PDE4D: variants seen among roughly 807,000 people sequenced by gnomAD.
PDE4D encodes phosphodiesterase 4D, also known as 3',5'-cyclic-AMP phosphodiesterase 4D.
PDE4D carries 24 observed loss-of-function variants against 87.4 expected under a neutral mutation model. The observed-to-expected ratio is 0.27, with a 90% CI of 0.20 to 0.39. The LOEUF (loss-of-function observed/expected upper bound fraction) is 0.39, where lower values mean the gene tolerates loss of function less well. Among genes scored for constraint, PDE4D ranks in the 10% least tolerant of loss-of-function variants. The pLI, the probability that PDE4D is intolerant of heterozygous loss-of-function variation, is 1.00. For synonymous variants in PDE4D, 384 were observed against 383.2 expected, an observed-to-expected ratio of 1.00 and a Z score of -0.02; for missense variants, 714 against 1,041.0, an observed-to-expected ratio of 0.69 and a Z score of 4.32.
intron 1 of PDE4D, among the ~76,000 whole-genome samples, chr5:59,742,308 C>A (rs1167266152): frequency 2.6e-5 from 4 of 152,176 alleles, no homozygotes; most frequent in African/African-American, 9.6e-5. Flanking sequence ...AGGTGATCCA[C>A]CTGCCTTGGC....
chr5:60,409,776 T>G (rs979250455), intron 1 of PDE4D, among the ~76,000 whole-genome samples: 2 of 152,322 alleles, frequency 1.3e-5, no homozygotes, highest in Admixed American at 6.5e-5. Context: ...TTTTCACATA[T>G]CCAAATGATT....
At chr5:60,334,648 A>T (rs2149877988) in intron 1 of PDE4D, among the ~76,000 whole-genome samples, 1 of 152,118 alleles carries the variant, frequency 6.6e-6, no homozygotes, top group Non-Finnish European at 1.5e-5. Flanking sequence ...AGGAGACACA[A>T]GCCCAGCACA....
At chr5:59,163,176 C>T (rs902280777) in intron 5 of PDE4D, among the ~76,000 whole-genome samples, 3 of 151,032 alleles carry the variant, frequency 2.0e-5, no homozygotes, top group South Asian at 2.1e-4. Context: ...GAACTCCTGG[C>T]CTCAATCGAT....
intron 1 of PDE4D, among the ~76,000 whole-genome samples, chr5:59,865,838 G>C (rs1360209191): frequency 6.6e-6 from 1 of 152,198 alleles, no homozygotes; most frequent in Non-Finnish European, 1.5e-5. Context: ...TGAGGAAACT[G>C]AGTCAGAGAT....
intron 5 of PDE4D, among the ~76,000 whole-genome samples, chr5:59,112,584 T>G (rs755820110): frequency 1.3e-5 from 2 of 152,102 alleles, no homozygotes; most frequent in Admixed American, 6.5e-5. Flanking sequence ...GAGCAGAGGC[T>G]TCAGGAGTTC....
intron 1 of PDE4D, among the ~76,000 whole-genome samples, chr5:60,352,623 G>C (rs1759299103): frequency 6.6e-6 from 1 of 152,152 alleles, no homozygotes; most frequent in Non-Finnish European, 1.5e-5. Flanking sequence ...TGAATGACAG[G>C]ACCCTGAAGG....
intron 1 of PDE4D, among the ~76,000 whole-genome samples, chr5:59,490,951 T>C (rs1039762727): frequency 1.3e-5 from 2 of 152,136 alleles, no homozygotes; most frequent in Non-Finnish European, 2.9e-5. Context: ...GATCCACGTA[T>C]AGACGATCAA....
intron 3 of PDE4D, among the ~76,000 whole-genome samples, chr5:59,899,339 T>C (rs1412146460): frequency 6.6e-6 from 1 of 152,090 alleles, no homozygotes. Flanking sequence ...GAGCACTTAA[T>C]ATGTGCCAAC....
chr5:59,484,852 G>T (rs1210193686), intron 1 of PDE4D, among the ~76,000 whole-genome samples: 7 of 151,964 alleles, frequency 4.6e-5, no homozygotes, highest in African/African-American at 1.7e-4. Context: ...TGTAATGTGG[G>T]TCAACTCTGA....
intron 1 of PDE4D, among the ~76,000 whole-genome samples, chr5:60,385,992 G>A (rs1762164997): frequency 6.6e-6 from 1 of 151,956 alleles, no homozygotes; most frequent in African/African-American, 2.4e-5. Flanking sequence ...GCCAGAGTGT[G>A]AATTCCCAAC....
chr5:60,494,787 C>A (rs1749723571), intron 1 of PDE4D, among the ~76,000 whole-genome samples: 1 of 152,322 alleles, frequency 6.6e-6, no homozygotes, highest in Admixed American at 6.5e-5. Flanking sequence ...AGAGAAATAA[C>A]CACCAGTGAA....
chr5:59,841,353 G>A lies in PDE4D; in HGVS notation c.455+51815C>T, dbSNP rs997990295. Among the ~76,000 whole-genome samples, 9 of 152,166 alleles carry A rather than the reference G, an allele frequency of 5.9e-5. No individual in the cohort carries two copies. The Middle Eastern group carries it at 0.01, about 173-fold the overall frequency. ...CAAGGCCAGCATCTGACTCCTTTTA[G>A]ACTTCCTTATTTGTTTTAAAAGACT... is the stretch of plus-strand genomic sequence containing the variant. On this transcript the variant is annotated intron_variant, in intron 1 of 14. Transcript: ENST00000340635.
chr5:59,132,267 G>C (rs1367998428), intron 5 of PDE4D, among the ~76,000 whole-genome samples: 7 of 152,142 alleles, frequency 4.6e-5, no homozygotes, highest in African/African-American at 1.7e-4. Context: ...CTTCTCAATG[G>C]TGTGCCAAAG....
chr5:59,751,019 CAGA>C (rs1486649142), intron 1 of PDE4D, among the ~76,000 whole-genome samples: 1 of 151,350 alleles, frequency 6.6e-6, no homozygotes, highest in African/African-American at 2.4e-5. Context: ...TCTCTATCTC[CAGA>C]AGAACAATAG....
chr5:59,709,932 G>T (rs2150502623), intron 1 of PDE4D, among the ~76,000 whole-genome samples: 1 of 152,310 alleles, frequency 6.6e-6, no homozygotes, highest in South Asian at 2.1e-4. Flanking sequence ...GGGAAAAGAA[G>T]TTTCCAATCA....
Position 60,359,760 on chromosome 5 carries a change from A to G in PDE4D, c.-90+128182T>C, listed in dbSNP as rs191810863. Among the ~76,000 whole-genome samples, 1,140 of 152,284 alleles carry G rather than the reference A, an allele frequency of 7.5e-3. 12 individuals are homozygous for G. The highest frequency in any genetic ancestry group is 0.013 in the Non-Finnish European group (894 of 68,020). ...AGCTGTTGTTGCACACTATCTGTGC[A>G]TTATCTGTGCACTAATATTATGGAA... On this transcript the variant is annotated intron_variant, in intron 1 of 16. Transcript: ENST00000502484.
chr5:59,649,143 A>G (rs943835223), intron 1 of PDE4D, among the ~76,000 whole-genome samples: 3 of 152,112 alleles, frequency 2.0e-5, no homozygotes, highest in Admixed American at 6.5e-5. Flanking sequence ...TTAAATAGTT[A>G]TGAGTGAATG....
intron 2 of PDE4D, among the ~76,000 whole-genome samples, chr5:60,089,720 AC>A (rs1774913192): frequency 6.6e-6 from 1 of 151,900 alleles, no homozygotes; most frequent in Non-Finnish European, 1.5e-5. Flanking sequence ...AATTTGAACT[AC>A]AAAAATACAA....
chr5:60,213,319 G>C (rs1743465068), intron 1 of PDE4D, among the ~76,000 whole-genome samples: 1 of 152,272 alleles, frequency 6.6e-6, no homozygotes, highest in Non-Finnish European at 1.5e-5. Context: ...TATTAGGTTT[G>C]GGGCAGCAAT....
Sources: allele counts gnomAD v4.1 joint callset (sites outside exome capture counted in the v4.1 genomes callset), GRCh38; gene constraint gnomAD v4.1.1; transcripts MANE v1.5; gene names NCBI Gene and HGNC (gene_info 2026-07-23, HGNC 2026-07-21).